The following DOCK5 variants were observed in gnomAD, a reference collection of about 807,000 sequenced individuals.
The protein encoded by DOCK5 is dedicator of cytokinesis protein 5.
Under a neutral mutation model 251.8 loss-of-function variants are expected in DOCK5, and 142 were observed. The observed-to-expected ratio is 0.56, with a 90% CI of 0.49 to 0.65. DOCK5 has a LOEUF of 0.65. Among genes scored for constraint, DOCK5 ranks in the 30% least tolerant of loss-of-function variants. DOCK5 has a pLI of 0.00. For missense variants in DOCK5, 2,111 were observed against 2,312.3 expected (o/e 0.91, Z 1.79); for synonymous variants, 842 against 835.5 (o/e 1.01, Z -0.13).
intron 1 of DOCK5, among the ~76,000 whole-genome samples, chr8:25,228,571 G>A (rs1407883409): frequency 6.6e-6 from 1 of 152,196 alleles, no homozygotes; most frequent in Non-Finnish European, 1.5e-5. Context: ...AGAGTATGCA[G>A]TAATTTCTAG....
chr8:25,331,334 C>A (rs960261391), intron 18 of DOCK5, among the ~76,000 whole-genome samples: 1 of 151,792 alleles, frequency 6.6e-6, no homozygotes, highest in Admixed American at 6.6e-5. Context: ...TCTTGAATTC[C>A]TGAGCTCAAG....
Position 25,412,876 on chromosome 8 carries a change from C to G in DOCK5, c.*1578C>G, listed in dbSNP as rs1801655279. 6.6e-6 allele frequency: 1 copy of G among 152,206 alleles called. No individual in the cohort carries two copies. Among genetic ancestry groups the G allele is most frequent in the Non-Finnish European group, 1.5e-5 (1 of 68,056 alleles). 9.4% of individuals were successfully genotyped at this position (152,206 alleles called of 1,614,324 possible). ...ATCATGAGGGTCAGGGAAGCAAAAGCTCTCAGATGTGTCCAGGGCGTTACT... is the reference window on the plus strand; with the variant it reads ...ATCATGAGGGTCAGGGAAGCAAAAGGTCTCAGATGTGTCCAGGGCGTTACT... On this transcript the variant is annotated 3_prime_UTR_variant, in exon 52 of 52. Transcript: ENST00000276440.
Position 25,313,598 on chromosome 8 carries a change from C to T in DOCK5, c.1318+3066C>T, listed in dbSNP as rs189115514. The stretch of plus-strand genomic sequence containing the variant: ...CTTGGGCTGCCATAGCAAAATACCA[C>T]GGACTGGGTGGCGTCAACAACGTTT... On this transcript the variant is annotated intron_variant, in intron 13 of 51. Coordinates refer to ENST00000276440, the MANE Select transcript of DOCK5 (RefSeq NM_024940.8). 3.0e-4 allele frequency among the ~76,000 whole-genome samples: 46 copies of T among 152,300 alleles called. 1 individual carries two copies. The South Asian group carries it at 8.7e-3, about 29-fold the overall frequency.
At chr8:25,336,455 C>T in intron 22 of DOCK5, 82 bp downstream of exon 22, 2 of 1,524,016 alleles carry the variant, frequency 1.3e-6, no homozygotes, top group African/African-American at 1.4e-5. Flanking sequence ...CAGTGGTGTT[C>T]AGCTCTGTGA....
intron 27 of DOCK5, among the ~76,000 whole-genome samples, chr8:25,356,201 A>G (rs1035142197): frequency 1.3e-5 from 2 of 152,186 alleles, no homozygotes; most frequent in African/African-American, 4.8e-5. Context: ...TCCGTCTCGA[A>G]AAAAACAAAA....
At chr8:25,250,341 T>G (rs1240423897) in intron 2 of DOCK5, among the ~76,000 whole-genome samples, 1 of 152,230 alleles carries the variant, frequency 6.6e-6, no homozygotes, top group African/African-American at 2.4e-5. Flanking sequence ...TTATTTGTCT[T>G]TAGAGACTTT....
intron 6 of DOCK5, 59 bp downstream of exon 6, chr8:25,292,231 G>T: frequency 6.8e-7 from 1 of 1,470,984 alleles, no homozygotes. Context: ...GCATGTTCAC[G>T]CTAATGACAC....
At chr8:25,386,848 G>A (rs1049405583) in intron 40 of DOCK5, among the ~76,000 whole-genome samples, 1 of 152,196 alleles carries the variant, frequency 6.6e-6, no homozygotes, top group African/African-American at 2.4e-5. Context: ...CAATTTTGGT[G>A]AAATCACGTA....
chr8:25,378,172 T>G (rs1016491985), intron 38 of DOCK5, among the ~76,000 whole-genome samples: 8 of 152,184 alleles, frequency 5.3e-5, no homozygotes, highest in African/African-American at 7.2e-5. Flanking sequence ...TCTAGTCACA[T>G]GATTAGTATT....
At chr8:25,366,676 T>G (rs1320694125) in intron 30 of DOCK5, among the ~76,000 whole-genome samples, 194 bp from the exon 31 acceptor site, 1 of 152,308 alleles carries the variant, frequency 6.6e-6, no homozygotes, top group South Asian at 2.1e-4. Context: ...TAGCTTAAAT[T>G]TTTTTAAAAA....
chr8:25,185,017 C>A, intron 1 of DOCK5, 66 bp downstream of exon 1: 1 of 1,284,942 alleles, frequency 7.8e-7, no homozygotes. Flanking sequence ...AGCGGCCCTG[C>A]CAGGTTTGCG....
At chr8:25,230,440 T>C (rs1802640526) in intron 1 of DOCK5, among the ~76,000 whole-genome samples, 1 of 152,214 alleles carries the variant, frequency 6.6e-6, no homozygotes, top group South Asian at 2.1e-4. Flanking sequence ...TGTGTTAACG[T>C]GCCATCAATT....
At chr8:25,217,965 G>T (rs1215408708) in intron 1 of DOCK5, among the ~76,000 whole-genome samples, 1 of 152,080 alleles carries the variant, frequency 6.6e-6, no homozygotes, top group Non-Finnish European at 1.5e-5. Context: ...TTACTATAAA[G>T]AAATCAATTT....
At chr8:25,374,250 G>T (rs543716335) in intron 36 of DOCK5, among the ~76,000 whole-genome samples, 1 of 152,230 alleles carries the variant, frequency 6.6e-6, no homozygotes, top group East Asian at 1.9e-4. Flanking sequence ...GGGGGGTCAG[G>T]CAGGGAAGCA....
chr8:25,267,619 C>G (rs985112535), intron 2 of DOCK5, among the ~76,000 whole-genome samples: 5 of 152,144 alleles, frequency 3.3e-5, no homozygotes, highest in Admixed American at 1.3e-4. Flanking sequence ...CCGTTACTTT[C>G]AGTGGCAAAA....
At chr8:25,308,702 TGAC>T in intron 11 of DOCK5, 78 bp from the exon 12 acceptor site, 1 of 1,500,544 alleles carries the variant, frequency 6.7e-7, no homozygotes. Context: ...TATTCCTATA[TGAC>T]TCACCATTAT....
chr8:25,392,040 A>C, intron 43 of DOCK5, 60 bp downstream of exon 43: 88 of 1,507,960 alleles, frequency 5.8e-5, no homozygotes, highest in Non-Finnish European at 7.2e-5. Flanking sequence ...ACGGTGGCTC[A>C]CGCCTGTAAT....
intron 1 of DOCK5, among the ~76,000 whole-genome samples, chr8:25,197,482 C>T (rs893290882): frequency 1.3e-5 from 2 of 151,300 alleles, no homozygotes; most frequent in African/African-American, 2.4e-5. Flanking sequence ...CGTTTGCTCT[C>T]ATATTTCCAC....
chr8:25,405,403 T>C (rs1801506085), intron 48 of DOCK5, among the ~76,000 whole-genome samples: 1 of 152,120 alleles, frequency 6.6e-6, no homozygotes, highest in Admixed American at 6.5e-5. Flanking sequence ...ATTCTTCTTA[T>C]AACATTTAGT....
Sources: gnomAD v4.1 joint callset for allele counts (sites outside exome capture counted in the v4.1 genomes callset) on GRCh38, gnomAD v4.1.1 for gene constraint, MANE v1.5 for transcripts, NCBI Gene and HGNC (gene_info 2026-07-23, HGNC 2026-07-21) for gene names.